Variants in ZHX2 observed in about 807,000 individuals in gnomAD.
The protein encoded by ZHX2 is zinc fingers and homeoboxes protein 2.
In ZHX2, 6 loss-of-function variants were observed where a neutral mutation model predicts 21.9. That is an observed-to-expected ratio of 0.27 (90% CI 0.15 to 0.54). The LOEUF (loss-of-function observed/expected upper bound fraction) is 0.54, where lower values mean the gene tolerates loss of function less well. ZHX2 is among the 20% of genes least tolerant of loss of function. ZHX2 has a pLI of 0.95. For missense variants in ZHX2, 908 were observed against 1,090.7 expected, an observed-to-expected ratio of 0.83 and a Z score of 2.36; for synonymous variants, 434 against 437.1, an observed-to-expected ratio of 0.99 and a Z score of 0.09.
At chr8:122,964,611 T>C (rs1313454838) in intron 3 of ZHX2, among the ~76,000 whole-genome samples, 1 of 152,090 alleles carries the variant, frequency 6.6e-6, no homozygotes, top group Non-Finnish European at 1.5e-5. Flanking sequence ...TTATTTTTCT[T>C]TTGTTACATC....
chr8:122,785,110 A>G (rs1227140159), intron 1 of ZHX2, among the ~76,000 whole-genome samples: 2 of 152,254 alleles, frequency 1.3e-5, no homozygotes, highest in Non-Finnish European at 2.9e-5. Context: ...TGGAAGCACA[A>G]GGAAAGGCAT....
intron 2 of ZHX2, among the ~76,000 whole-genome samples, chr8:122,949,526 A>G (rs1488507400): frequency 6.6e-6 from 1 of 152,188 alleles, no homozygotes; most frequent in African/African-American, 2.4e-5. Flanking sequence ...CTTATTGTCA[A>G]TCAAGAAAAG....
At chr8:122,891,269 ATTGTGTGTGTGTGTGTGTGTGTGTGTGT>A (rs1224921327) in intron 2 of ZHX2, among the ~76,000 whole-genome samples, 103 of 138,842 alleles carry the variant, frequency 7.4e-4, no homozygotes, top group African/African-American at 2.3e-3. Flanking sequence ...ATCTTGGTAG[ATTGTGTGTGTGTGTGTGTGTGTGTGTGT>A]GTGTGTGTGT....
In ZHX2 at chr8:122,801,604, T is replaced by G. The variant is rs1014349467; in HGVS notation, c.-283+19658T>G. Among the ~76,000 whole-genome samples the G allele has an allele frequency of 5.5e-5, 8 of 146,504 alleles. No homozygotes were observed. In the East Asian group the frequency reaches 9.9e-4, roughly 18 times the overall value. ...TCTCTACAAAAAAAAAAAAAAAAATTGCCAGGCTTGGTAGCACACACATAT... is the reference window on the plus strand; with the variant it reads ...TCTCTACAAAAAAAAAAAAAAAAATGGCCAGGCTTGGTAGCACACACATAT... On this transcript the variant is annotated intron_variant, in intron 1 of 3. Coordinates refer to ENST00000314393, the MANE Select transcript of ZHX2 (RefSeq NM_014943.5).
intron 1 of ZHX2, among the ~76,000 whole-genome samples, chr8:122,836,050 A>G (rs1386895836): frequency 1.3e-5 from 2 of 152,106 alleles, no homozygotes; most frequent in Non-Finnish European, 2.9e-5. Context: ...GGGTAGGCTG[A>G]GAGAACAAGG....
At chr8:122,792,949 T>C (rs150169816) in intron 1 of ZHX2, among the ~76,000 whole-genome samples, 2 of 152,282 alleles carry the variant, frequency 1.3e-5, no homozygotes, top group East Asian at 3.9e-4. Flanking sequence ...TATAGGGCAC[T>C]GTGCTCACTG....
intron 2 of ZHX2, among the ~76,000 whole-genome samples, chr8:122,865,377 C>T (rs961267006): frequency 3.9e-5 from 6 of 152,166 alleles, no homozygotes; most frequent in African/African-American, 1.4e-4. Context: ...ATCCGCCCGC[C>T]TCAGCCTTCC....
At chr8:122,941,551 C>T (rs1296036916) in intron 2 of ZHX2, among the ~76,000 whole-genome samples, 2 of 152,140 alleles carry the variant, frequency 1.3e-5, no homozygotes, top group African/African-American at 4.8e-5. Flanking sequence ...GTTCTTCCCC[C>T]GTTTCTACCT....
chr8:122,967,273 A>G (rs531293032), intron 3 of ZHX2, among the ~76,000 whole-genome samples: 13 of 152,316 alleles, frequency 8.5e-5, no homozygotes, highest in African/African-American at 2.9e-4. Flanking sequence ...TCATTTAGGT[A>G]GACTGTTTCA....
At chr8:122,894,423 C>T (rs965282734) in intron 2 of ZHX2, among the ~76,000 whole-genome samples, 5 of 152,202 alleles carry the variant, frequency 3.3e-5, no homozygotes, top group African/African-American at 4.8e-5. Flanking sequence ...GCCATTCATC[C>T]TCTCTTTAGC....
At chr8:122,846,388 A>G (rs1431544704) in intron 1 of ZHX2, among the ~76,000 whole-genome samples, 1 of 152,140 alleles carries the variant, frequency 6.6e-6, no homozygotes, top group African/African-American at 2.4e-5. Context: ...CTGTGAACTG[A>G]GTGAGCTAGA....
intron 1 of ZHX2, among the ~76,000 whole-genome samples, chr8:122,824,261 A>G (rs1053569724): frequency 6.6e-6 from 1 of 152,190 alleles, no homozygotes; most frequent in African/African-American, 2.4e-5. Flanking sequence ...TGTACTTATA[A>G]GTTCACCTGT....
At chr8:122,947,053 C>G (rs374658482) in intron 2 of ZHX2, among the ~76,000 whole-genome samples, 1 of 134,912 alleles carries the variant, frequency 7.4e-6, no homozygotes, top group East Asian at 2.1e-4. Context: ...CCCAGGAGTT[C>G]GAGACCAGCC....
At chr8:122,814,267 ATTG>A (rs1817986546) in intron 1 of ZHX2, among the ~76,000 whole-genome samples, 1 of 152,170 alleles carries the variant, frequency 6.6e-6, no homozygotes, top group Non-Finnish European at 1.5e-5. Flanking sequence ...TACTAAAAAG[ATTG>A]TTTTTATTCT....
chr8:122,886,183 C>T (rs756576015), intron 2 of ZHX2, among the ~76,000 whole-genome samples: 1 of 152,126 alleles, frequency 6.6e-6, no homozygotes, highest in Non-Finnish European at 1.5e-5. Flanking sequence ...AGAAAAGACA[C>T]GGAGAAACCT....
intron 2 of ZHX2, among the ~76,000 whole-genome samples, chr8:122,923,697 G>A (rs975399958): frequency 5.9e-5 from 9 of 152,218 alleles, no homozygotes; most frequent in Non-Finnish European, 1.0e-4. Context: ...TGGAGACTGA[G>A]AGCAGAACTA....
chr8:122,953,540 A>G lies in ZHX2; in HGVS notation c.2030A>G (p.Lys677Arg). The G allele has an allele frequency of 6.2e-7, 1 of 1,614,248 alleles. No individual in the cohort carries two copies. Among genetic ancestry groups the G allele is most frequent in the Non-Finnish European group, 8.5e-7 (1 of 1,180,046 alleles). Residue 677 changes from lysine (K) to arginine (R), a missense_variant, in exon 3 of 4, where the codon AAG becomes AGG. By Grantham distance (26) the Lys-to-Arg change is conservative. This residue lies in a region of ZHX2 where 431 missense variants were observed against 428.6 expected (regional missense o/e 1.01). Transcript: ENST00000314393. The surrounding 1 kb of genome is among the most constrained non-coding windows in gnomAD (Gnocchi z 4.6). ...LVRTEIVRWF[K>R]ENRCLLKTGT... ...CGAACTGAGATTGTGCGTTGGTTCA[A>G]GGAGAACAGATGCTTGCTGAAAACG...
intron 2 of ZHX2, among the ~76,000 whole-genome samples, chr8:122,875,214 TTTCTC>T (rs1169605297): frequency 8.2e-6 from 1 of 122,480 alleles, no homozygotes; most frequent in Non-Finnish European, 1.7e-5. Flanking sequence ...TTGCCTTCCT[TTTCTC>T]TTGTCTTTTC....
At chr8:122,855,500 A>G (rs943193428) in intron 1 of ZHX2, among the ~76,000 whole-genome samples, 4 of 152,110 alleles carry the variant, frequency 2.6e-5, no homozygotes, top group African/African-American at 9.7e-5. Context: ...ATGGACTTCC[A>G]AATCCCTGTC....
Sources: gnomAD v4.1 joint callset for allele counts (sites outside exome capture counted in the v4.1 genomes callset) on GRCh38, gnomAD v4.1.1 for gene constraint, gnomAD v4.1.1 regional missense constraint, Gnocchi (gnomAD v3.1) non-coding constraint, MANE v1.5 for transcripts, NCBI Gene and HGNC (gene_info 2026-07-23, HGNC 2026-07-21) for gene names.